PCSK2: variants seen among roughly 807,000 people sequenced by gnomAD.
PCSK2 encodes neuroendocrine convertase 2.
A neutral mutation model predicts 69.7 loss-of-function variants in PCSK2; 14 were observed. The observed-to-expected ratio is 0.20, with a 90% CI of 0.13 to 0.31. PCSK2 has a LOEUF of 0.31. Ranked by LOEUF, PCSK2 falls within the 10% of genes least tolerant of loss-of-function variation. PCSK2 has a pLI of 1.00. For synonymous variants in PCSK2, 307 were observed against 320.7 expected, an observed-to-expected ratio of 0.96 and a Z score of 0.46; for missense variants, 544 against 842.5, an observed-to-expected ratio of 0.65 and a Z score of 4.39.
At chr20:17,282,214 ACAATCCCTACCTCTCTCTC>A (rs1988342674) in intron 2 of PCSK2, among the ~76,000 whole-genome samples, 2 of 152,152 alleles carry the variant, frequency 1.3e-5, no homozygotes, top group South Asian at 4.1e-4. Flanking sequence ...TGGCAGACAG[ACAATCCCTACCTCTCTCTC>A]CATACACACA....
chr20:17,330,573 C>T (rs370305969), intron 2 of PCSK2, among the ~76,000 whole-genome samples: 24 of 152,024 alleles, frequency 1.6e-4, no homozygotes, highest in African/African-American at 5.8e-4. Flanking sequence ...GCCAAGATCG[C>T]ACCACTGCAC....
Position 17,452,203 on chromosome 20 carries a change from C to T in PCSK2, c.886-1539C>T, listed in dbSNP as rs74322466. ...CCACACTTTTGCTATTTCTTGATAC[C>T]GAGCCCAAATCTGAGTCTGTTTGAG... is the stretch of plus-strand genomic sequence containing the variant. On this transcript the variant is annotated intron_variant, in intron 8 of 11. Coordinates refer to ENST00000262545, the MANE Select transcript of PCSK2 (RefSeq NM_002594.5). Among the ~76,000 whole-genome samples, 1,399 of 152,042 alleles carry T rather than the reference C, an allele frequency of 9.2e-3. 14 individuals are homozygous for T. Among genetic ancestry groups the T allele is most frequent in the Middle Eastern group, 0.027 (8 of 292 alleles).
Position 17,464,318 on chromosome 20 carries a change from C to A in PCSK2, c.1203-1008C>A, listed in dbSNP as rs1442560213. The stretch of plus-strand genomic sequence containing the variant: ...TGATTTGCAATTTGAAAAACATAGA[C>A]AATGTGTAGTAATAGACACTAATTT... On this transcript the variant is annotated intron_variant, in intron 10 of 11. Coordinates refer to ENST00000262545, the MANE Select transcript of PCSK2 (RefSeq NM_002594.5). 4 of 152,180 alleles carry A rather than the reference C, an allele frequency of 2.6e-5. No homozygotes were observed. In the East Asian group the frequency reaches 7.7e-4, roughly 29 times the overall value. The allele number at this position is 152,180 out of a possible 1,614,324, so 9.4% of individuals were successfully genotyped here.
At chr20:17,480,893 G>C (rs1246850720) in intron 11 of PCSK2, among the ~76,000 whole-genome samples, 1 of 152,186 alleles carries the variant, frequency 6.6e-6, no homozygotes, top group Non-Finnish European at 1.5e-5. Context: ...CTGCACGCAG[G>C]CTGTGCAGGC....
At chr20:17,400,696 C>T (rs113321999) in intron 5 of PCSK2, among the ~76,000 whole-genome samples, 1 of 152,208 alleles carries the variant, frequency 6.6e-6, no homozygotes, top group African/African-American at 2.4e-5. Context: ...GACCCTTGTG[C>T]TTCTTCTCAG....
chr20:17,395,398 G>A (rs2031488512), intron 5 of PCSK2, among the ~76,000 whole-genome samples: 1 of 152,110 alleles, frequency 6.6e-6, no homozygotes, highest in Non-Finnish European at 1.5e-5. Context: ...GGATAAGCAA[G>A]GTGTTCACAG....
intron 2 of PCSK2, among the ~76,000 whole-genome samples, chr20:17,287,922 A>T (rs1416513150): frequency 6.6e-6 from 1 of 151,762 alleles, no homozygotes; most frequent in Non-Finnish European, 1.5e-5. Context: ...ACCTTGATGT[A>T]CCCTCCCCCA....
At chr20:17,396,610 G>A (rs1057276026) in intron 5 of PCSK2, among the ~76,000 whole-genome samples, 3 of 150,716 alleles carry the variant, frequency 2.0e-5, no homozygotes, top group Middle Eastern at 3.4e-3. Context: ...CTCACTCAAA[G>A]TCAACTTATT....
intron 5 of PCSK2, among the ~76,000 whole-genome samples, chr20:17,402,624 G>A (rs902637389): frequency 6.5e-5 from 9 of 138,716 alleles, no homozygotes; most frequent in East Asian, 6.1e-4. Context: ...TTATGCCCCC[G>A]CACTCAAGCC....
chr20:17,253,436 A>G (rs879727420), intron 1 of PCSK2, among the ~76,000 whole-genome samples: 2 of 152,296 alleles, frequency 1.3e-5, no homozygotes, highest in East Asian at 3.9e-4. Flanking sequence ...TATTCTGGAC[A>G]TTTCATATAA....
At chr20:17,448,893 CTTTTTT>C (rs11468966) in intron 8 of PCSK2, among the ~76,000 whole-genome samples, 6 of 136,456 alleles carry the variant, frequency 4.4e-5, no homozygotes, top group Non-Finnish European at 6.2e-5. Context: ...ATGCACTTGC[CTTTTTT>C]TTTTTTTTTT....
intron 2 of PCSK2, among the ~76,000 whole-genome samples, chr20:17,266,989 C>T (rs1046308333): frequency 6.6e-6 from 1 of 152,100 alleles, no homozygotes; most frequent in Non-Finnish European, 1.5e-5. Flanking sequence ...CCTGCCATGC[C>T]CACTTCACTC....
chr20:17,350,324 T>A (rs1297257393), intron 2 of PCSK2, among the ~76,000 whole-genome samples: 1 of 151,566 alleles, frequency 6.6e-6, no homozygotes, highest in Non-Finnish European at 1.5e-5. Context: ...AAGGACATCA[T>A]AGATTAATAA....
intron 5 of PCSK2, among the ~76,000 whole-genome samples, chr20:17,397,554 A>T (rs2031538189): frequency 6.6e-6 from 1 of 151,118 alleles, no homozygotes; most frequent in African/African-American, 2.4e-5. Flanking sequence ...ATCTCGGCTC[A>T]CTGCAACCTC....
chr20:17,287,431 C>CTGTGTGTCTG (rs1988552561), intron 2 of PCSK2, among the ~76,000 whole-genome samples: 1 of 145,928 alleles, frequency 6.9e-6, no homozygotes, highest in African/African-American at 2.5e-5. Context: ...ATGTGCGTGT[C>CTGTGTGTCTG]TGTGTGTGTG....
intron 2 of PCSK2, among the ~76,000 whole-genome samples, chr20:17,306,395 G>T (rs1396744673): frequency 6.6e-6 from 1 of 152,146 alleles, no homozygotes; most frequent in Non-Finnish European, 1.5e-5. Context: ...AAAGGCTGAA[G>T]CTTCCCAAAG....
chr20:17,266,873 AG>A (rs1186799286), intron 2 of PCSK2, among the ~76,000 whole-genome samples: 3 of 152,152 alleles, frequency 2.0e-5, no homozygotes, highest in East Asian at 3.9e-4. Context: ...CTGCTACCAA[AG>A]GCAATTCTCA....
At chr20:17,421,499 C>T (rs6105756) in intron 6 of PCSK2, among the ~76,000 whole-genome samples, 4 of 152,168 alleles carry the variant, frequency 2.6e-5, no homozygotes, top group Non-Finnish European at 5.9e-5. Flanking sequence ...CATTTCAGTT[C>T]TAATATGTCT....
At chr20:17,437,512 A>G (rs2032508091) in intron 8 of PCSK2, among the ~76,000 whole-genome samples, 1 of 152,122 alleles carries the variant, frequency 6.6e-6, no homozygotes. Context: ...ACCCCAGAGG[A>G]GACATGACCC....
Sources: allele counts gnomAD v4.1 joint callset (sites outside exome capture counted in the v4.1 genomes callset), GRCh38; gene constraint gnomAD v4.1.1; transcripts MANE v1.5; gene names NCBI Gene and HGNC (gene_info 2026-07-23, HGNC 2026-07-21).